The following UBE2H variants were observed in gnomAD, a reference collection of about 807,000 sequenced individuals.
UBE2H encodes the protein ubiquitin-conjugating enzyme E2 H.
A neutral mutation model predicts 29.0 loss-of-function variants in UBE2H; 3 were observed. The observed-to-expected ratio is 0.10, with a 90% CI of 0.05 to 0.27. UBE2H has a LOEUF of 0.27. Ranked by LOEUF, UBE2H falls within the 10% of genes least tolerant of loss-of-function variation. The probability of loss-of-function intolerance (pLI) is 1.00; values close to 1 mark genes in which losing one functional copy is unlikely to be tolerated. For missense variants in UBE2H, 68 were observed against 228.2 expected (o/e 0.30, Z 4.52); for synonymous variants, 69 against 82.9 (o/e 0.83, Z 0.91).
At chr7:129,835,149 G>C in intron 6 of UBE2H, 88 bp from the exon 7 acceptor site, 1 of 1,580,676 alleles carries the variant, frequency 6.3e-7, no homozygotes. Context: ...GGCTGCGGAG[G>C]TTCAAACTTA....
chr7:129,934,945 A>ATGTG (rs931298994), intron 1 of UBE2H, among the ~76,000 whole-genome samples: 2 of 91,318 alleles, frequency 2.2e-5, no homozygotes, highest in African/African-American at 7.0e-5. Context: ...ATATATATAT[A>ATGTG]TGTGTGTGTG....
At chr7:129,840,142 TATTC>T (rs1805401863) in intron 5 of UBE2H, among the ~76,000 whole-genome samples, 1 of 152,202 alleles carries the variant, frequency 6.6e-6, no homozygotes, top group African/African-American at 2.4e-5. Context: ...AGACTACAAA[TATTC>T]ATAAGACAGA....
At chr7:129,905,400 T>C (rs907837503) in intron 1 of UBE2H, among the ~76,000 whole-genome samples, 1 of 152,162 alleles carries the variant, frequency 6.6e-6, no homozygotes. Context: ...TTTCCAATGA[T>C]AGTATGGGAT....
intron 1 of UBE2H, among the ~76,000 whole-genome samples, chr7:129,905,269 C>T (rs1407306449): frequency 2.0e-5 from 3 of 151,804 alleles, no homozygotes; most frequent in Admixed American, 2.0e-4. Context: ...TGTTCATAGA[C>T]ATGAGGTTTC....
intron 1 of UBE2H, among the ~76,000 whole-genome samples, chr7:129,903,320 G>A (rs918893080): frequency 1.3e-5 from 2 of 152,146 alleles, no homozygotes; most frequent in African/African-American, 2.4e-5. Context: ...AGAATGCAAC[G>A]ACGGTTAATA....
intron 5 of UBE2H, among the ~76,000 whole-genome samples, chr7:129,845,913 C>T (rs1305816751): frequency 6.6e-6 from 1 of 152,190 alleles, no homozygotes; most frequent in Non-Finnish European, 1.5e-5. Context: ...ATAAGATATA[C>T]TTCAAATTGC....
At chr7:129,941,161 C>T (rs1807634479) in intron 1 of UBE2H, among the ~76,000 whole-genome samples, 1 of 151,884 alleles carries the variant, frequency 6.6e-6, no homozygotes, top group African/African-American at 2.4e-5. Context: ...CACCATGTTG[C>T]CCAGGCTGGT....
chr7:129,888,167 G>A (rs1057127793), intron 1 of UBE2H, among the ~76,000 whole-genome samples: 1 of 152,088 alleles, frequency 6.6e-6, no homozygotes, highest in Non-Finnish European at 1.5e-5. Flanking sequence ...AATTTTTAAG[G>A]GTTTTTAATG....
intron 1 of UBE2H, among the ~76,000 whole-genome samples, chr7:129,942,780 C>A (rs552124418): frequency 4.0e-5 from 6 of 151,886 alleles, no homozygotes; most frequent in Non-Finnish European, 8.8e-5. Context: ...AGATATAGAG[C>A]CTTACTAGCA....
chr7:129,837,261 C>A (rs765831940), intron 6 of UBE2H, among the ~76,000 whole-genome samples: 4 of 152,122 alleles, frequency 2.6e-5, no homozygotes, highest in Non-Finnish European at 4.4e-5. Context: ...TGAAACAGCT[C>A]CTCAGGGATG....
chr7:129,845,832 T>C (rs1348824197), intron 5 of UBE2H, among the ~76,000 whole-genome samples: 1 of 152,214 alleles, frequency 6.6e-6, no homozygotes, highest in Non-Finnish European at 1.5e-5. Flanking sequence ...TCTCAATTTC[T>C]TCACTGCAAA....
At chr7:129,911,875 T>C (rs1428413714) in intron 1 of UBE2H, among the ~76,000 whole-genome samples, 1 of 152,164 alleles carries the variant, frequency 6.6e-6, no homozygotes. Flanking sequence ...ACTCCTGGCC[T>C]CAAGCAGTCC....
chr7:129,867,782 T>TA lies in UBE2H; in HGVS notation c.206-8842dup, dbSNP rs79333410. Among the ~76,000 whole-genome samples the TA allele has an allele frequency of 7.1e-3, 770 of 108,650 alleles. 3 individuals are homozygous for TA. Among genetic ancestry groups the TA allele is most frequent in the Non-Finnish European group, 9.3e-3 (474 of 50,836 alleles). The allele number at this position is 108,650 out of a possible 152,430, so 71.3% of individuals were successfully genotyped here. The stretch of plus-strand genomic sequence containing the variant: ...CTTGATGTGCAAGCAAAAATTAGAT[T>TA]AAAAAAAAAAAACATCCTGACTGCA... On this transcript the variant is annotated intron_variant, in intron 3 of 6. Coordinates refer to ENST00000355621, the MANE Select transcript of UBE2H (RefSeq NM_003344.4).
intron 3 of UBE2H, among the ~76,000 whole-genome samples, chr7:129,864,597 A>T (rs1805864916): frequency 7.4e-6 from 1 of 135,344 alleles, no homozygotes; most frequent in Non-Finnish European, 1.5e-5. Flanking sequence ...TCTATCACTC[A>T]GGCTGGAGTG....
chr7:129,910,333 A>AAAAAAC (rs529738351), intron 1 of UBE2H, among the ~76,000 whole-genome samples: 1 of 151,938 alleles, frequency 6.6e-6, no homozygotes, highest in African/African-American at 2.4e-5. Context: ...TATCTCAAAA[A>AAAAAAC]AAAAACAAAA....
intron 1 of UBE2H, among the ~76,000 whole-genome samples, chr7:129,942,011 A>T (rs1485027157): frequency 6.6e-6 from 1 of 151,980 alleles, no homozygotes; most frequent in African/African-American, 2.4e-5. Flanking sequence ...GGAGTTGGAG[A>T]CCAGTTTGGC....
intron 1 of UBE2H, among the ~76,000 whole-genome samples, chr7:129,931,265 G>A (rs1807389549): frequency 6.6e-6 from 1 of 151,670 alleles, no homozygotes; most frequent in Admixed American, 6.6e-5. Context: ...GTATGCGCCT[G>A]TAATCCCAGC....
At chr7:129,857,429 T>A in intron 5 of UBE2H, 82 bp downstream of exon 5, 1 of 1,473,880 alleles carries the variant, frequency 6.8e-7, no homozygotes. Flanking sequence ...CAAAACATCT[T>A]AAACCAGAAA....
At chr7:129,855,543 C>T (rs1805688258) in intron 5 of UBE2H, among the ~76,000 whole-genome samples, 2 of 152,154 alleles carry the variant, frequency 1.3e-5, no homozygotes, top group Admixed American at 6.6e-5. Context: ...CAGTTCTGGA[C>T]ATGATTAATT....
Sources: gnomAD v4.1 joint callset for allele counts (sites outside exome capture counted in the v4.1 genomes callset) on GRCh38, gnomAD v4.1.1 for gene constraint, MANE v1.5 for transcripts, NCBI Gene and HGNC (gene_info 2026-07-23, HGNC 2026-07-21) for gene names.